Variants in RBM48 observed in about 807,000 individuals in gnomAD.
RBM48 encodes RNA binding motif protein 48.
Under a neutral mutation model 34.8 loss-of-function variants are expected in RBM48, and 32 were observed. That is an observed-to-expected ratio of 0.92 (90% CI 0.69 to 1.23). The LOEUF (loss-of-function observed/expected upper bound fraction) is 1.23. Among genes scored for constraint, RBM48 ranks in the 50% most tolerant of loss-of-function variants. The pLI, the probability that RBM48 is intolerant of heterozygous loss-of-function variation, is 0.00. For missense variants in RBM48, 441 were observed against 447.2 expected (o/e 0.99, Z 0.12); for synonymous variants, 151 against 156.2 (o/e 0.97, Z 0.25).
chr7:92,537,152 G>A lies in RBM48; in HGVS notation c.*215G>A, dbSNP rs759977637. ...GGCTGGAATGCAGTGGCGTGATCTC[G>A]GCTCACTGCAACCTCCACCTCCCGG... On this transcript the variant is annotated 3_prime_UTR_variant, in exon 5 of 5. Transcript: ENST00000265732. 15 of 328,504 alleles carry A rather than the reference G, an allele frequency of 4.6e-5. No individual in the cohort carries two copies. Among genetic ancestry groups the A allele is most frequent in the East Asian group, 2.2e-4 (3 of 13,694 alleles). The allele number at this position is 328,504 out of a possible 1,614,324, so 20.3% of individuals were successfully genotyped here.
rs1334252357 is a variant in RBM48 at position 92,537,544 on chromosome 7, G to A, written c.*607G>A. On this transcript the variant is annotated 3_prime_UTR_variant, in exon 5 of 5. Coordinates refer to ENST00000265732, the MANE Select transcript of RBM48 (RefSeq NM_032120.4). Reference sequence around the variant, plus strand: ...TCCAATTATAATACAAGTATTGAATGAACCATTGAAACACTAGAAGTCAGG... The same window carrying A: ...TCCAATTATAATACAAGTATTGAATAAACCATTGAAACACTAGAAGTCAGG... 6.6e-6 allele frequency: 1 copy of A among 152,204 alleles called. No individual in the cohort carries two copies. Among genetic ancestry groups the A allele is most frequent in the Admixed American group, 6.5e-5 (1 of 15,276 alleles). 9.4% of individuals were successfully genotyped at this position (152,204 alleles called of 1,614,324 possible). A position where few individuals can be genotyped will look rare whatever the true frequency, so the allele number is the denominator to read the frequency against.
chr7:92,530,751 G>T (rs1292711299), intron 2 of RBM48, among the ~76,000 whole-genome samples: 4 of 150,324 alleles, frequency 2.7e-5, no homozygotes, highest in African/African-American at 9.8e-5. Flanking sequence ...AGTGAGCCAA[G>T]ATCATGCCAT....
intron 4 of RBM48, chr7:92,536,251 A>G (rs1281506614): frequency 1.0e-6 from 1 of 984,044 alleles, no homozygotes; most frequent in African/African-American, 1.7e-5. Flanking sequence ...TTTCAAGATA[A>G]ACGTGTGAAG....
rs1234159171 is a variant in RBM48 at position 92,537,676 on chromosome 7, C to CT, written c.*743dup. ...TTAGAACCTTATATGCTTTAAATAACTTTTAAGAATTTGCTTGACCTGTGG... is the reference window on the plus strand; with the variant it reads ...TTAGAACCTTATATGCTTTAAATAACTTTTTAAGAATTTGCTTGACCTGTGG... On this transcript the variant is annotated 3_prime_UTR_variant, in exon 5 of 5. Coordinates refer to ENST00000265732, the MANE Select transcript of RBM48 (RefSeq NM_032120.4). 6.6e-6 allele frequency: 1 copy of CT among 152,158 alleles called. No individual in the cohort carries two copies. The highest frequency in any genetic ancestry group is 1.5e-5 in the Non-Finnish European group (1 of 68,024). 9.4% of individuals were successfully genotyped at this position (152,158 alleles called of 1,614,324 possible).
intron 2 of RBM48, among the ~76,000 whole-genome samples, chr7:92,530,354 G>A (rs1201670542): frequency 6.6e-6 from 1 of 151,780 alleles, no homozygotes; most frequent in Non-Finnish European, 1.5e-5. Context: ...AATTAGCCGG[G>A]TGTGGTGGTG....
At position 92,535,892 on chromosome 7, in the gene RBM48, T is replaced by C. The variant is rs1416974285; in HGVS notation, c.1017+922T>C. 4.7e-6 allele frequency: 4 copies of C among 858,632 alleles called. No individual in the cohort carries two copies. The African/African-American group carries it at 7.3e-5, about 16-fold the overall frequency. The allele number at this position is 858,632 out of a possible 1,614,324, so 53.2% of individuals were successfully genotyped here. On this transcript the variant is annotated intron_variant, in intron 4 of 4. Coordinates refer to ENST00000265732, the MANE Select transcript of RBM48 (RefSeq NM_032120.4). The stretch of plus-strand genomic sequence containing the variant: ...CCTCACACCAATAACTTCAGCACTT[T>C]GGGAGGCTGAGGTGAGCAGATTGCT...
chr7:92,534,984 T>A lies in RBM48; in HGVS notation c.1017+14T>A, dbSNP rs745581074. 3 of 1,613,380 alleles carry A rather than the reference T, an allele frequency of 1.9e-6. No homozygotes were observed. The highest frequency in any genetic ancestry group is 2.5e-6 in the Non-Finnish European group (3 of 1,179,576). ...AAACTTAAAGAGGTAAGGTTATTTTTAAAAAACTATTCTAAGACACGATTT... is the reference window on the plus strand; with the variant it reads ...AAACTTAAAGAGGTAAGGTTATTTTAAAAAAACTATTCTAAGACACGATTT... On this transcript the variant is annotated intron_variant, in intron 4 of 4. Coordinates refer to ENST00000265732, the MANE Select transcript of RBM48 (RefSeq NM_032120.4).
At position 92,538,412 on chromosome 7, in the gene RBM48, A is replaced by G. The variant is rs1238557813; in HGVS notation, c.*1475A>G. ...ACTGGCTCCATTCCTGTTGTTTTTC[A>G]GCTTTTACTCCCTCCTCCTCTTCAG... On this transcript the variant is annotated 3_prime_UTR_variant, in exon 5 of 5. Transcript: ENST00000265732. Among the ~76,000 whole-genome samples the G allele has an allele frequency of 6.6e-6, 1 of 152,072 alleles. No homozygotes were observed. Among genetic ancestry groups the G allele is most frequent in the Non-Finnish European group, 1.5e-5 (1 of 68,022 alleles).
chr7:92,532,569 A>T lies in RBM48; in HGVS notation c.448+20A>T, dbSNP rs1793603372. On this transcript the variant is annotated intron_variant, in intron 3 of 4. Transcript: ENST00000265732. ...ATAAAGGTATGGAAAGCATATTGCT[A>T]AATGCCTCCTGTGTGTCAGGCACTC... The T allele has an allele frequency of 6.3e-7, 1 of 1,581,494 alleles. No individual in the cohort carries two copies. Among genetic ancestry groups the T allele is most frequent in the Non-Finnish European group, 8.6e-7 (1 of 1,156,154 alleles).
At position 92,539,458 on chromosome 7, in the gene RBM48, T is replaced by TG. The variant is rs377617199; in HGVS notation, c.*2521_*2522insG. 6.6e-6 allele frequency among the ~76,000 whole-genome samples: 1 copy of TG among 152,194 alleles called. No individual in the cohort carries two copies. Among genetic ancestry groups the TG allele is most frequent in the African/African-American group, 2.4e-5 (1 of 41,448 alleles). On this transcript the variant is annotated 3_prime_UTR_variant, in exon 5 of 5. Transcript: ENST00000265732. ...GGCTCATGCCTATAATCCCAGCACT[T>TG]TGGGAGGCCAAGGTGGGAGGATCAC...
intron 2 of RBM48, among the ~76,000 whole-genome samples, 178 bp from the exon 3 acceptor site, chr7:92,532,226 G>T (rs182568571): frequency 7.9e-4 from 120 of 152,260 alleles, no homozygotes; most frequent in African/African-American, 2.9e-3. Flanking sequence ...GTACATACTC[G>T]ATCAATGGGA....
rs1793487556 is a variant in RBM48, at chr7:92,529,521, G to A, written c.157G>A (p.Val53Ile). 1 of 1,610,674 alleles carries A rather than the reference G, an allele frequency of 6.2e-7. No homozygotes were observed. Among genetic ancestry groups the A allele is most frequent in the Admixed American group, 1.7e-5 (1 of 59,912 alleles). Residue 53 changes from valine (V) to isoleucine (I), a missense_variant, in exon 2 of 5, where the codon GTT becomes ATT. Physicochemically the swap from Val to Ile is conservative, Grantham distance 29. Coordinates refer to ENST00000265732, the MANE Select transcript of RBM48 (RefSeq NM_032120.4). ...LESQYLLIQG[V>I]PAVGVMKELV... The stretch of plus-strand genomic sequence containing the variant: ...ATCTCAGTACTTATTAATACAAGGA[G>A]TTCCTGCTGTGGGAGTCATGAAGGA...
At chr7:92,529,308 G>A (rs1183566628) in intron 1 of RBM48, 168 bp from the exon 2 acceptor site, 4 of 590,306 alleles carry the variant, frequency 6.8e-6, no homozygotes, top group African/African-American at 1.9e-5. Context: ...CACATGGACT[G>A]TTATTCTTTA....
At chr7:92,535,147 AC>A in intron 4 of RBM48, 177 bp downstream of exon 4, 3 of 1,434,980 alleles carry the variant, frequency 2.1e-6, no homozygotes, top group Non-Finnish European at 2.7e-6. Flanking sequence ...TTTGCTTTAA[AC>A]TGTTAATACT....
chr7:92,536,776 T>C, intron 4 of RBM48, 75 bp from the exon 5 acceptor site: 1 of 1,485,242 alleles, frequency 6.7e-7, no homozygotes, highest in Non-Finnish European at 8.9e-7. Flanking sequence ...GATGTAGTCT[T>C]ACCTCTTCTA....
chr7:92,532,679 A>G (rs943163926), intron 3 of RBM48, 130 bp downstream of exon 3: 3 of 659,320 alleles, frequency 4.6e-6, no homozygotes, highest in Middle Eastern at 8.5e-4. Flanking sequence ...TGTGAACCAC[A>G]GGGTTCTCTG....
intron 3 of RBM48, 100 bp downstream of exon 3, chr7:92,532,649 C>T (rs1390959706): frequency 8.7e-6 from 7 of 801,632 alleles, no homozygotes; most frequent in Non-Finnish European, 1.4e-5. Context: ...GGCAAGTAAA[C>T]CATCACAGTA....
At position 92,537,625 on chromosome 7, in the gene RBM48, G is replaced by A. The variant is rs1238637461; in HGVS notation, c.*688G>A. Reference sequence around the variant, plus strand: ...AGACAATTCTATGAAGTAAAAAGTAGATTAGCTATTAGAACAAAGCTGAAA... The same window carrying A: ...AGACAATTCTATGAAGTAAAAAGTAAATTAGCTATTAGAACAAAGCTGAAA... On this transcript the variant is annotated 3_prime_UTR_variant, in exon 5 of 5. Transcript: ENST00000265732. The A allele has an allele frequency of 6.6e-6, 1 of 152,126 alleles. No homozygotes were observed. Among genetic ancestry groups the A allele is most frequent in the Non-Finnish European group, 1.5e-5 (1 of 68,024 alleles). 9.4% of individuals were successfully genotyped at this position (152,126 alleles called of 1,614,324 possible).
In RBM48 at chr7:92,533,852, G is replaced by A. The variant is rs542725864; in HGVS notation, c.449-550G>A. On this transcript the variant is annotated intron_variant, in intron 3 of 4. Coordinates refer to ENST00000265732, the MANE Select transcript of RBM48 (RefSeq NM_032120.4). ...AATCTGCTTTTGGGAGAGTAAACCA[G>A]GGAAGAGGCCCTTGCCAGCCCTAGA... is the stretch of plus-strand genomic sequence containing the variant. Among the ~76,000 whole-genome samples the A allele has an allele frequency of 1.1e-4, 16 of 151,928 alleles. No individual in the cohort carries two copies. The South Asian group carries it at 3.3e-3, about 31-fold the overall frequency.
Sources: gnomAD v4.1 joint callset for allele counts (sites outside exome capture counted in the v4.1 genomes callset) on GRCh38, gnomAD v4.1.1 for gene constraint, MANE v1.5 for transcripts, NCBI Gene and HGNC (gene_info 2026-07-23, HGNC 2026-07-21) for gene names.